Variants in CYP2C19 observed in about 807,000 individuals in gnomAD.
The protein encoded by CYP2C19 is cytochrome P450 family 2 subfamily C member 19.
In CYP2C19, 59 loss-of-function variants were observed where a neutral mutation model predicts 40.9. The observed-to-expected ratio is 1.44, with a 90% CI of 1.17 to 1.79. CYP2C19 has a LOEUF of 1.79. CYP2C19 is among the 40% of genes most tolerant of loss of function. The pLI is 0.00. For synonymous variants in CYP2C19, 253 were observed against 208.7 expected, an observed-to-expected ratio of 1.21 and a Z score of -1.83; for missense variants, 754 against 596.9, an observed-to-expected ratio of 1.26 and a Z score of -2.74.
chr10:94,786,935 T>C (rs1156980805), intron 5 of CYP2C19, among the ~76,000 whole-genome samples: 1 of 152,170 alleles, frequency 6.6e-6, no homozygotes, highest in African/African-American at 2.4e-5. Context: ...TCTTTGCTAT[T>C]GTGAATAGTG....
At chr10:94,797,819 C>G (rs1490853942) in intron 5 of CYP2C19, among the ~76,000 whole-genome samples, 2 of 151,930 alleles carry the variant, frequency 1.3e-5, no homozygotes, top group Non-Finnish European at 1.5e-5. Context: ...TTGTATTTCT[C>G]TGTGATTGGT....
chr10:94,803,868 C>A (rs538892204), intron 5 of CYP2C19, among the ~76,000 whole-genome samples: 1 of 152,140 alleles, frequency 6.6e-6, no homozygotes, highest in South Asian at 2.1e-4. Context: ...TCCAGGTGAG[C>A]AGGTGCTTTG....
At position 94,780,490 on chromosome 10, in the gene CYP2C19, A is replaced by G. The variant is rs768291293; in HGVS notation, c.482-9A>G. On this transcript the variant is annotated splice_polypyrimidine_tract_variant and intron_variant, in intron 3 of 8. Coordinates refer to ENST00000371321, the MANE Select transcript of CYP2C19 (RefSeq NM_000769.4). Reference sequence around the variant, plus strand: ...TACTCATATTTTAAAATTGTTTCCAATCATTTAGCTTCACCCTGTGATCCC... The same window carrying G: ...TACTCATATTTTAAAATTGTTTCCAGTCATTTAGCTTCACCCTGTGATCCC... 37 of 1,612,684 alleles carry G rather than the reference A, an allele frequency of 2.3e-5. No homozygotes were observed. Among genetic ancestry groups the G allele is most frequent in the Non-Finnish European group, 3.1e-5 (37 of 1,179,776 alleles).
intron 3 of CYP2C19, chr10:94,775,768 A>G: frequency 1.6e-6 from 1 of 633,940 alleles, no homozygotes; most frequent in Non-Finnish European, 2.7e-6. Flanking sequence ...ATTTAATCCT[A>G]TGTTCTCCTG....
At chr10:94,799,096 A>G (rs527634892) in intron 5 of CYP2C19, among the ~76,000 whole-genome samples, 1 of 151,912 alleles carries the variant, frequency 6.6e-6, no homozygotes, top group South Asian at 2.1e-4. Context: ...TTTTCATAGC[A>G]TTGATGGTCT....
In CYP2C19 at chr10:94,843,029, G is replaced by A. The variant is rs1849520459; in HGVS notation, c.1149+5G>A. On this transcript the variant is annotated splice_donor_5th_base_variant and intron_variant, in intron 7 of 8. Coordinates refer to ENST00000371321, the MANE Select transcript of CYP2C19 (RefSeq NM_000769.4). ...AGAAACTACCTCATTCCCAAGGTAAGTTTGTTTCTCCTACACTGCAACTCC... is the reference window on the plus strand; with the variant it reads ...AGAAACTACCTCATTCCCAAGGTAAATTTGTTTCTCCTACACTGCAACTCC... The A allele has an allele frequency of 1.2e-6, 2 of 1,613,994 alleles. No individual in the cohort carries two copies. Among genetic ancestry groups the A allele is most frequent in the African/African-American group, 2.7e-5 (2 of 74,932 alleles).
At chr10:94,769,476 A>T (rs1848297452) in intron 1 of CYP2C19, among the ~76,000 whole-genome samples, 1 of 152,126 alleles carries the variant, frequency 6.6e-6, no homozygotes, top group Non-Finnish European at 1.5e-5. Context: ...CAGAACAGTG[A>T]ACTATTCTGC....
At chr10:94,774,359 G>A (rs1848376090) in intron 1 of CYP2C19, 1 of 152,192 alleles carries the variant, frequency 6.6e-6, no homozygotes, top group African/African-American at 2.4e-5. Flanking sequence ...GAAAAATTGA[G>A]CTTGTTATGA....
At chr10:94,802,823 T>C (rs1414223339) in intron 5 of CYP2C19, among the ~76,000 whole-genome samples, 1 of 152,182 alleles carries the variant, frequency 6.6e-6, no homozygotes, top group Non-Finnish European at 1.5e-5. Flanking sequence ...TAAAGGATTT[T>C]ATTTCTCCTT....
intron 5 of CYP2C19, among the ~76,000 whole-genome samples, chr10:94,817,170 G>A (rs1055987885): frequency 1.4e-5 from 2 of 146,632 alleles, no homozygotes; most frequent in African/African-American, 5.1e-5. Flanking sequence ...TTCCACAATG[G>A]TTGAACTAGT....
chr10:94,831,228 A>G (rs904702502), intron 6 of CYP2C19, among the ~76,000 whole-genome samples: 1 of 152,168 alleles, frequency 6.6e-6, no homozygotes. Context: ...TTTATGGCTG[A>G]ATAGAACTCC....
intron 5 of CYP2C19, among the ~76,000 whole-genome samples, chr10:94,815,490 A>G (rs1848988666): frequency 6.6e-6 from 1 of 152,174 alleles, no homozygotes; most frequent in Non-Finnish European, 1.5e-5. Context: ...CCCAGCCCTA[A>G]TTCAAACTAA....
intron 5 of CYP2C19, among the ~76,000 whole-genome samples, chr10:94,794,168 G>A (rs1220262606): frequency 6.6e-6 from 1 of 152,176 alleles, no homozygotes; most frequent in Non-Finnish European, 1.5e-5. Context: ...CCACGCATGG[G>A]ATATAATCTC....
chr10:94,801,974 C>G (rs559992289), intron 5 of CYP2C19, among the ~76,000 whole-genome samples: 2 of 152,252 alleles, frequency 1.3e-5, no homozygotes, highest in African/African-American at 4.8e-5. Context: ...AGCGAAAGAA[C>G]AAAGCTTTGA....
chr10:94,773,483 G>C (rs931113254), intron 1 of CYP2C19, among the ~76,000 whole-genome samples: 1 of 152,122 alleles, frequency 6.6e-6, no homozygotes. Flanking sequence ...CATTCCTCCT[G>C]GTGGGTTCAT....
intron 5 of CYP2C19, among the ~76,000 whole-genome samples, chr10:94,811,070 C>T (rs1048997889): frequency 6.6e-6 from 1 of 152,162 alleles, no homozygotes; most frequent in Non-Finnish European, 1.5e-5. Flanking sequence ...CTTGGAGATT[C>T]TGGTACACTG....
At chr10:94,845,977 A>G (rs1055653748) in intron 7 of CYP2C19, among the ~76,000 whole-genome samples, 5 of 152,154 alleles carry the variant, frequency 3.3e-5, no homozygotes, top group African/African-American at 1.2e-4. Context: ...ACTGCAGTAT[A>G]TGTAGCCCAA....
At chr10:94,776,987 A>G (rs1457060891) in intron 3 of CYP2C19, among the ~76,000 whole-genome samples, 1 of 152,166 alleles carries the variant, frequency 6.6e-6, no homozygotes, top group African/African-American at 2.4e-5. Flanking sequence ...AAAAATCACA[A>G]GCATTCCTAT....
intron 1 of CYP2C19, chr10:94,774,009 T>C (rs1362715427): frequency 6.6e-6 from 1 of 152,192 alleles, no homozygotes; most frequent in East Asian, 1.9e-4. Context: ...CATTGATTGG[T>C]ACATTTTTAC....
Sources: allele counts gnomAD v4.1 joint callset (sites outside exome capture counted in the v4.1 genomes callset), GRCh38; gene constraint gnomAD v4.1.1; transcripts MANE v1.5; gene names NCBI Gene and HGNC (gene_info 2026-07-23, HGNC 2026-07-21).